ZAN: variants seen among roughly 807,000 people sequenced by gnomAD.
ZAN encodes zonadhesin (gene/pseudogene).
Under a neutral mutation model 286.2 loss-of-function variants are expected in ZAN, and 260 were observed. That is an observed-to-expected ratio of 0.91 (90% CI 0.82 to 1.01). ZAN has a LOEUF of 1.01. ZAN is among the 50% of genes least tolerant of loss of function. The pLI is 0.00. For synonymous variants in ZAN, 1,368 were observed against 1,417.5 expected (o/e 0.97, Z 0.79); for missense variants, 3,410 against 3,639.2 (o/e 0.94, Z 1.62).
At chr7:100,740,354 A>G (rs1807653164) in intron 7 of ZAN, among the ~76,000 whole-genome samples, 1 of 91,556 alleles carries the variant, frequency 1.1e-5, no homozygotes, top group Non-Finnish European at 2.2e-5. Flanking sequence ...ACAGAGGGGG[A>G]TTTGGCAGGG....
At position 100,763,207 on chromosome 7, in the gene ZAN, C is replaced by T. The variant is rs971895870; in HGVS notation, c.3987-599C>T. On this transcript the variant is annotated intron_variant, in intron 20 of 47. Coordinates refer to ENST00000613979, the MANE Select transcript of ZAN (RefSeq NM_003386.3). The surrounding 1 kb of genome is among the most constrained non-coding windows in gnomAD (Gnocchi z 4.6). ...TTCGAACTCCTGACCTCAGGTGATT[C>T]ACCTGCCCTGGCCTCCCAAAATGCA... Among the ~76,000 whole-genome samples the T allele has an allele frequency of 1.3e-5, 2 of 152,050 alleles. No homozygotes were observed. Among genetic ancestry groups the T allele is most frequent in the Non-Finnish European group, 2.9e-5 (2 of 67,990 alleles).
In ZAN at chr7:100,783,781, T is replaced by TAC. The variant is rs1562952330; in HGVS notation, c.6623-841_6623-840insCA. 2.7e-3 allele frequency among the ~76,000 whole-genome samples: 41 copies of TAC among 15,282 alleles called. 5 individuals are homozygous for TAC. In the South Asian group the frequency reaches 0.033, roughly 12 times the overall value. The allele number at this position is 15,282 out of a possible 152,430, so 10.0% of individuals were successfully genotyped here. A position where few individuals can be genotyped will look rare whatever the true frequency, so the allele number is the denominator to read the frequency against. ...AAAAAAAAATATATATATATATATA[T>TAC]ATACACATATATATATATACACACA... On this transcript the variant is annotated intron_variant, in intron 35 of 47. Transcript: ENST00000613979.
intron 36 of ZAN, 42 bp from the exon 37 acceptor site, chr7:100,785,955 A>T (rs1811535462): frequency 1.3e-6 from 2 of 1,585,024 alleles, no homozygotes. Flanking sequence ...CGCCGCGCCC[A>T]GCCCCCTCCT....
Position 100,767,960 on chromosome 7 carries a change from G to A in ZAN, c.4990G>A (p.Val1664Met), listed in dbSNP as rs1340901774. 1.2e-6 allele frequency: 2 copies of A among 1,613,836 alleles called. No homozygotes were observed. Among genetic ancestry groups the A allele is most frequent in the South Asian group, 1.1e-5 (1 of 91,084 alleles). ...AGTTCGCTACGACGGGAGCCACTTG[G>A]TGGAAGTGACAGTCCCCTCCTCCTA... The part of the protein sequence containing the change: ...LQVRYDGSHL[V>M]EVTVPSSYGG... The change falls in exon 26 of 48, where the codon GTG becomes ATG. Residue 1664 changes from valine (V) to methionine (M), a missense_variant. By Grantham distance (21) the Val-to-Met change is conservative. Transcript: ENST00000613979.
Position 100,775,716 on chromosome 7 carries a change from G to A in ZAN, c.6075G>A (p.Gly2025=), listed in dbSNP as rs769744985. The stretch of plus-strand genomic sequence containing the variant: ...TCCCCGCCATCTCCCAGATCCCTGG[G>A]GTCAGTGTCAAGTCCAGCAGCATCT... The part of the protein sequence containing the change: ...VTLPAISQIP[G]VSVKSSSIYS... Residue 2025 remains glycine (G), a synonymous_variant, in exon 33 of 48, where the codon GGG becomes GGA. Transcript: ENST00000613979. 4 of 1,613,696 alleles carry A rather than the reference G, an allele frequency of 2.5e-6. No individual in the cohort carries two copies. The highest frequency in any genetic ancestry group is 3.4e-6 in the Non-Finnish European group (4 of 1,179,794).
At position 100,736,784 on chromosome 7, in the gene ZAN, G is replaced by T; in HGVS notation, c.254-25G>T. ...AGCCCTCAGAGGTGGCTGGGCCTCAGTGTCTTGGGCTCTGCCTCCCCCAGA... is the reference window on the plus strand; with the variant it reads ...AGCCCTCAGAGGTGGCTGGGCCTCATTGTCTTGGGCTCTGCCTCCCCCAGA... On this transcript the variant is annotated intron_variant, in intron 4 of 47. Coordinates refer to ENST00000613979, the MANE Select transcript of ZAN (RefSeq NM_003386.3). The T allele has an allele frequency of 1.4e-6, 2 of 1,461,652 alleles. 1 individual carries two copies. 90.5% of individuals were successfully genotyped at this position (1,461,652 alleles called of 1,614,324 possible). A position where few individuals can be genotyped will look rare whatever the true frequency, so the allele number is the denominator to read the frequency against.
At chr7:100,794,559 G>A (rs1332269757) in intron 44 of ZAN, among the ~76,000 whole-genome samples, 4 of 152,126 alleles carry the variant, frequency 2.6e-5, no homozygotes, top group Admixed American at 1.3e-4. Context: ...CCTGCTGGGC[G>A]TGGGTGACTC....
intron 35 of ZAN, 54 bp from the exon 36 acceptor site, chr7:100,784,569 C>G: frequency 6.3e-7 from 1 of 1,587,302 alleles, no homozygotes; most frequent in Non-Finnish European, 8.6e-7. Context: ...AGCCCCTGCC[C>G]ACCTTGGCCC....
At position 100,768,685 on chromosome 7, in the gene ZAN, G is replaced by A; in HGVS notation, c.5117G>A (p.Gly1706Glu). 1 of 1,607,584 alleles carries A rather than the reference G, an allele frequency of 6.2e-7. No homozygotes were observed. The highest frequency in any genetic ancestry group is 8.5e-7 in the Non-Finnish European group (1 of 1,177,142). The change falls in exon 27 of 48, where the codon GGG (glycine) becomes GAG (glutamate). Residue 1706 changes from glycine to glutamate, a missense_variant. Physicochemically the swap from Gly to Glu is moderately conservative, Grantham distance 98. Transcript: ENST00000613979. ...RKLAGDSMQL[G>E]AAWKLPESSE... ...CTTGCAGGCGATTCCATGCAGCTGG[G>A]GGCCGCCTGGAAGTTACCTGAATCC... is the stretch of plus-strand genomic sequence containing the variant.
chr7:100,752,350 A>G lies in ZAN; in HGVS notation c.2245A>G (p.Thr749Ala). The change falls in exon 14 of 48, where the codon ACA becomes GCA. Residue 749 changes from threonine (T) to alanine (A), a missense_variant. Thr to Ala is a moderately conservative substitution (Grantham distance 58, BLOSUM62 0). Around this residue, in one of 7 missense-constraint regions of ZAN, gnomAD observed 39 missense variants for 76.9 expected, o/e 0.51. Transcript: ENST00000613979. ...CCCCACAGAAAAACCCACCATCCCC[A>G]CAGAAAAACCCACCATCTCCCCAGA... ...TTPTEKPTIPTEKPTISPEKP... is the reference protein window; with the variant it reads ...TTPTEKPTIPAEKPTISPEKP... 5.9e-6 allele frequency: 9 copies of G among 1,530,072 alleles called. No homozygotes were observed. The highest frequency in any genetic ancestry group is 7.9e-6 in the Non-Finnish European group (9 of 1,136,008). 94.8% of individuals were successfully genotyped at this position (1,530,072 alleles called of 1,614,324 possible). A position where few individuals can be genotyped will look rare whatever the true frequency, so the allele number is the denominator to read the frequency against.
intron 42 of ZAN, among the ~76,000 whole-genome samples, chr7:100,792,994 AAAAGAAAG>A (rs544434387): frequency 9.1e-5 from 11 of 120,226 alleles, no homozygotes; most frequent in African/African-American, 2.4e-4. Flanking sequence ...AAAAAAAAAA[AAAAGAAAG>A]AAAGAAAGAA....
rs371722808 is a variant in ZAN at position 100,755,267 on chromosome 7, C to A, written c.3166C>A (p.Pro1056Thr). ...PNARYESCAC[P>T]ASCKSPRPSC... Reference sequence around the variant, plus strand: ...TGCCCGCTACGAATCCTGTGCTTGTCCTGCTTCGTGCAAGAGCCCCAGGCC... The same window carrying A: ...TGCCCGCTACGAATCCTGTGCTTGTACTGCTTCGTGCAAGAGCCCCAGGCC... The change falls in exon 15 of 48, where the codon CCT (proline) becomes ACT (threonine). Residue 1056 changes from proline (P) to threonine (T), a missense_variant. This residue lies in a region of ZAN where 1,042 missense variants were observed against 1,058.0 expected (regional missense o/e 0.98). Transcript: ENST00000613979. 1.6e-5 allele frequency: 26 copies of A among 1,613,722 alleles called. No individual in the cohort carries two copies. Among genetic ancestry groups the A allele is most frequent in the African/African-American group, 1.5e-4 (11 of 74,936 alleles).
chr7:100,797,430 G>C lies in ZAN; in HGVS notation c.8331G>C (p.Val2777=). ...CTGTGGTGGTCGTACTACTGGCCGT[G>C]ACCAGAGAGTGCATTTACAGAACGA... ...LVPVVVVLLA[V]TRECIYRTRR... The change falls in exon 46 of 48, where the codon GTG becomes GTC. Residue 2777 remains valine, a synonymous_variant. Coordinates refer to ENST00000613979, the MANE Select transcript of ZAN (RefSeq NM_003386.3). The C allele has an allele frequency of 1.2e-6, 2 of 1,613,890 alleles. No individual in the cohort carries two copies. The highest frequency in any genetic ancestry group is 1.7e-6 in the Non-Finnish European group (2 of 1,179,860).
At position 100,763,678 on chromosome 7, in the gene ZAN, C is replaced by A; in HGVS notation, c.3987-128C>A. The A allele has an allele frequency of 2.2e-6, 2 of 897,750 alleles. No homozygotes were observed. The highest frequency in any genetic ancestry group is 2.5e-5 in the East Asian group (1 of 40,056). The allele number at this position is 897,750 out of a possible 1,614,324, so 55.6% of individuals were successfully genotyped here. The stretch of plus-strand genomic sequence containing the variant: ...CCAGGGCTCAGTGGTCAAACATCCT[C>A]TGGGAGGGGTTTCCCAGCTGACAGG... On this transcript the variant is annotated intron_variant, in intron 20 of 47. Transcript: ENST00000613979. This position sits in a 1 kb window ranked among gnomAD's most constrained non-coding sequence, Gnocchi z 4.6.
In ZAN at chr7:100,748,412, C is replaced by T. The variant is rs771649484; in HGVS notation, c.1191C>T (p.Leu397=). The T allele has an allele frequency of 2.1e-5, 34 of 1,613,818 alleles. No individual in the cohort carries two copies. Among genetic ancestry groups the T allele is most frequent in the Admixed American group, 1.2e-4 (7 of 59,984 alleles). Residue 397 remains leucine (L), a synonymous_variant, in exon 11 of 48, where the codon CTC becomes CTT. Transcript: ENST00000613979. ...QTSGDGGHWA[L]GHKNGPVHGM... is the part of the protein sequence containing the mutation. ...CCGGGGATGGTGGACACTGGGCCCT[C>T]GGACATAAAAATGGACCCGTCCATG...
Position 100,793,846 on chromosome 7 carries a change from T to C in ZAN, c.7814T>C (p.Ile2605Thr). Residue 2605 changes from isoleucine (I) to threonine (T), a missense_variant, in exon 43 of 48, where the codon ATA becomes ACA. Transcript: ENST00000613979. ...SGHGVSSRYH[I>T]SELYDTLPSI... Reference sequence around the variant, plus strand: ...CATGGAGTGTCCAGCAGGTACCATATATCAGAGCTGTATGACACCCTGCCC... The same window carrying C: ...CATGGAGTGTCCAGCAGGTACCATACATCAGAGCTGTATGACACCCTGCCC... 6.2e-7 allele frequency: 1 copy of C among 1,610,402 alleles called. No homozygotes were observed. Among genetic ancestry groups the C allele is most frequent in the Non-Finnish European group, 8.5e-7 (1 of 1,177,708 alleles).
chr7:100,755,142 T>G, intron 14 of ZAN, 84 bp from the exon 15 acceptor site: 3 of 1,459,736 alleles, frequency 2.1e-6, no homozygotes, highest in Admixed American at 2.2e-5. Context: ...GAGAAGAACT[T>G]GAGTTTGGGG....
rs1807252280 is a variant in ZAN, at chr7:100,735,749, T to C, written c.83T>C (p.Val28Ala). Residue 28 changes from valine to alanine, a missense_variant, in exon 3 of 48, where the codon GTT becomes GCT. By Grantham distance (64) the Val-to-Ala change is moderately conservative. Around this residue, in one of 7 missense-constraint regions of ZAN, gnomAD observed 872 missense variants for 938.9 expected, o/e 0.93. Transcript: ENST00000613979. ...GAGAAGCCTCCGGACCAGAAGCTGG[T>C]TGTTCGCAGCTCTAGGGACAACTGT... is the stretch of plus-strand genomic sequence containing the variant. Reference protein sequence around the residue: ...RKEKPPDQKLVVRSSRDNYVL... With the variant: ...RKEKPPDQKLAVRSSRDNYVL... 1 of 1,508,610 alleles carries C rather than the reference T, an allele frequency of 6.6e-7. No individual in the cohort carries two copies. The highest frequency in any genetic ancestry group is 1.1e-5 in the South Asian group (1 of 87,482). 93.5% of individuals were successfully genotyped at this position (1,508,610 alleles called of 1,614,324 possible).
chr7:100,781,635 TATTTGAC>T (rs1382317753), intron 35 of ZAN, among the ~76,000 whole-genome samples: 1 of 151,466 alleles, frequency 6.6e-6, no homozygotes, highest in Non-Finnish European at 1.5e-5. Context: ...CCTGAGTTTT[TATTTGAC>T]ATTGCTATAC....
Sources: allele counts gnomAD v4.1 joint callset (sites outside exome capture counted in the v4.1 genomes callset), GRCh38; gene constraint gnomAD v4.1.1; regional missense constraint gnomAD v4.1.1; non-coding constraint Gnocchi (gnomAD v3.1); transcripts MANE v1.5; gene names NCBI Gene and HGNC (gene_info 2026-07-23, HGNC 2026-07-21).